F8: variants seen among roughly 807,000 people sequenced by gnomAD.
The protein encoded by F8 is coagulation factor VIII.
Under a neutral mutation model 140.6 loss-of-function variants are expected in F8, and 12 were observed. The observed-to-expected ratio is 0.09, with a 90% CI of 0.05 to 0.14. The LOEUF is 0.14. Ranked by LOEUF, F8 falls within the 10% of genes least tolerant of loss-of-function variation. The pLI, the probability that F8 is intolerant of heterozygous loss-of-function variation, is 1.00. For synonymous variants in F8, 585 were observed against 614.6 expected (o/e 0.95, Z 0.71); for missense variants, 1,354 against 1,720.7 (o/e 0.79, Z 3.77).
At chrX:154,874,369 T>C (rs2072796439) in intron 22 of F8, among the ~76,000 whole-genome samples, 1 of 112,588 alleles carries the variant, frequency 8.9e-6, no homozygotes, top group African/African-American at 3.2e-5. Flanking sequence ...ACTGAGTAAT[T>C]TGTAGTGAAC....
At chrX:154,852,444 C>T (rs1300696985) in intron 25 of F8, among the ~76,000 whole-genome samples, 1 of 111,724 alleles carries the variant, frequency 9.0e-6, no homozygotes, top group Non-Finnish European at 1.9e-5. Context: ...TGTCCCAGCA[C>T]CATTTGTTGA....
chrX:154,871,434 C>T (rs1352827006), intron 22 of F8, among the ~76,000 whole-genome samples: 1 of 112,227 alleles, frequency 8.9e-6, no homozygotes, highest in Non-Finnish European at 1.9e-5. Flanking sequence ...CTGACACAAA[C>T]AAGCAATGGG....
chrX:154,842,800 C>CT (rs782357831), intron 25 of F8, among the ~76,000 whole-genome samples: 94 of 110,501 alleles, frequency 8.5e-4, no homozygotes, highest in Admixed American at 6.6e-3. Flanking sequence ...TTTGCAATTT[C>CT]TTTTTTTTTA....
intron 14 of F8, among the ~76,000 whole-genome samples, chrX:154,911,195 A>T (rs1237038459): frequency 9.3e-6 from 1 of 107,921 alleles, no homozygotes; most frequent in Non-Finnish European, 1.9e-5. Context: ...CCCTGGGCCC[A>T]CTTTTCTTTC....
intron 25 of F8, among the ~76,000 whole-genome samples, chrX:154,843,553 G>A (rs1340397327): frequency 1.8e-5 from 2 of 112,245 alleles, no homozygotes; most frequent in African/African-American, 6.5e-5. Context: ...CAGTGATGAT[G>A]AGCATTTTTT....
In F8 at chrX:154,861,876, A is replaced by G. The variant is rs782244990; in HGVS notation, c.6575-10T>C. 1 of 1,209,350 alleles carries G rather than the reference A, an allele frequency of 8.3e-7. No individual in the cohort carries two copies. The highest frequency in any genetic ancestry group is 3.0e-5 in the East Asian group (1 of 33,769). On this transcript the variant is annotated splice_polypyrimidine_tract_variant and intron_variant, in intron 23 of 25. Transcript: ENST00000360256. Reference sequence around the variant, plus strand: ...AATGGCATGCTGCAACCTCAAAGAAAAGAAAAAAGAAGGTTATCACAAGGA... The same window carrying G: ...AATGGCATGCTGCAACCTCAAAGAAGAGAAAAAAGAAGGTTATCACAAGGA...
intron 15 of F8, among the ~76,000 whole-genome samples, chrX:154,905,402 C>A (rs1002682784): frequency 9.0e-6 from 1 of 111,509 alleles, no homozygotes; most frequent in Non-Finnish European, 1.9e-5. Flanking sequence ...TTAAAAAAGG[C>A]TTACTTTCCA....
intron 4 of F8, among the ~76,000 whole-genome samples, chrX:154,989,489 T>C (rs1557284496): frequency 8.9e-6 from 1 of 111,743 alleles, no homozygotes; most frequent in Non-Finnish European, 1.9e-5. Context: ...CCATTGTGCA[T>C]TGTGAAACTT....
intron 22 of F8, among the ~76,000 whole-genome samples, chrX:154,879,882 G>A (rs182245205): frequency 3.8e-4 from 42 of 111,377 alleles, no homozygotes; most frequent in Non-Finnish European, 6.4e-4. Context: ...ATGGTAAGGC[G>A]TGCTTGCTTC....
chrX:154,966,252 A>G, intron 8 of F8, 111 bp from the exon 9 acceptor site: 1 of 941,045 alleles, frequency 1.1e-6, no homozygotes, highest in Non-Finnish European at 1.5e-6. Context: ...TGAGAAAAAT[A>G]CAAGCTTCTC....
At chrX:154,880,780 T>C (rs2072854028) in intron 22 of F8, among the ~76,000 whole-genome samples, 1 of 112,040 alleles carries the variant, frequency 8.9e-6, no homozygotes, top group Admixed American at 9.4e-5. Flanking sequence ...AACTGATGAG[T>C]AGATAAACAA....
intron 6 of F8, among the ~76,000 whole-genome samples, chrX:154,980,498 T>C (rs782347142): frequency 8.9e-6 from 1 of 112,416 alleles, no homozygotes; most frequent in African/African-American, 3.2e-5. Flanking sequence ...TCTTTAGGAT[T>C]AGTCACTGGC....
intron 1 of F8, among the ~76,000 whole-genome samples, chrX:155,008,043 G>T (rs185543223): frequency 1.8e-5 from 2 of 111,116 alleles, no homozygotes; most frequent in Non-Finnish European, 3.8e-5. Flanking sequence ...TTGATTCACT[G>T]ATGTGGAATT....
chrX:154,876,354 T>C (rs1462390339), intron 22 of F8, among the ~76,000 whole-genome samples: 12 of 110,368 alleles, frequency 1.1e-4, no homozygotes, highest in Non-Finnish European at 1.3e-4. Flanking sequence ...CTCCTGACCT[T>C]GTGATCCGCC....
At chrX:155,008,663 T>A (rs1167628971) in intron 1 of F8, among the ~76,000 whole-genome samples, 5 of 110,816 alleles carry the variant, frequency 4.5e-5, no homozygotes, top group Non-Finnish European at 9.5e-5. Flanking sequence ...GCGCCGGGAT[T>A]GCCCCAGAGG....
intron 13 of F8, among the ~76,000 whole-genome samples, chrX:154,943,390 C>T (rs1293524351): frequency 9.0e-6 from 1 of 111,407 alleles, no homozygotes; most frequent in Non-Finnish European, 1.9e-5. Flanking sequence ...AAACAGAGAG[C>T]CAAATCATAA....
intron 14 of F8, among the ~76,000 whole-genome samples, chrX:154,907,007 A>G (rs1358745937): frequency 1.8e-5 from 2 of 112,163 alleles, no homozygotes; most frequent in African/African-American, 6.5e-5. Flanking sequence ...CCTTTGGTAC[A>G]TAAATGCAAT....
intron 25 of F8, among the ~76,000 whole-genome samples, chrX:154,856,630 A>G (rs73561502): frequency 0.012 from 1,374 of 111,894 alleles, 24 homozygotes; most frequent in African/African-American, 0.042. Flanking sequence ...CGGCCTCTCA[A>G]TCAATTCCCA....
chrX:154,941,337 G>A (rs1488415102), intron 13 of F8, among the ~76,000 whole-genome samples: 4 of 110,971 alleles, frequency 3.6e-5, no homozygotes, highest in Non-Finnish European at 5.7e-5. Flanking sequence ...CAAGCAAGTG[G>A]AAAACAAAAA....
Sources: allele counts gnomAD v4.1 joint callset (sites outside exome capture counted in the v4.1 genomes callset), GRCh38; gene constraint gnomAD v4.1.1; transcripts MANE v1.5; gene names NCBI Gene and HGNC (gene_info 2026-07-23, HGNC 2026-07-21).